The following SMCO4 variants were observed in gnomAD, a reference collection of about 807,000 sequenced individuals.
SMCO4 encodes the protein single-pass membrane and coiled-coil domain-containing protein 4.
SMCO4 carries 4 observed loss-of-function variants against 3.6 expected under a neutral mutation model. That is an observed-to-expected ratio of 1.11 (90% CI 0.54 to 2.53). SMCO4 has a LOEUF of 2.53. SMCO4 is among the 30% of genes most tolerant of loss of function. The pLI, the probability that SMCO4 is intolerant of heterozygous loss-of-function variation, is 0.02. For missense variants in SMCO4, 70 were observed against 80.8 expected (o/e 0.87, Z 0.51); for synonymous variants, 36 against 35.3 (o/e 1.02, Z -0.07).
chr11:93,498,763 T>C (rs7124358), intron 2 of SMCO4, among the ~76,000 whole-genome samples: 47,802 of 152,120 alleles, frequency 0.31, 7,996 homozygotes, highest in African/African-American at 0.37. Context: ...GGAGGCGTGG[T>C]GGGGGTACAA....
At chr11:93,490,459 C>T (rs1450134319) in intron 2 of SMCO4, among the ~76,000 whole-genome samples, 2 of 152,110 alleles carry the variant, frequency 1.3e-5, no homozygotes, top group Admixed American at 1.3e-4. Context: ...AAACTGAAAT[C>T]AGAGTTTTAG....
chr11:93,500,792 A>G (rs1016962100), intron 1 of SMCO4, among the ~76,000 whole-genome samples: 1 of 152,230 alleles, frequency 6.6e-6, no homozygotes, highest in African/African-American at 2.4e-5. Context: ...TCAGCTGGAA[A>G]TTAAGTCATC....
intron 1 of SMCO4, among the ~76,000 whole-genome samples, chr11:93,534,203 A>T (rs140461992): frequency 0.079 from 9,205 of 116,534 alleles, 903 homozygotes; most frequent in African/African-American, 0.22. Flanking sequence ...AAAAAAAAAA[A>T]AAATATATAT....
At chr11:93,551,973 C>G in the SMCO4 span, among the ~76,000 whole-genome samples, 1 of 152,056 alleles carries the variant, frequency 6.6e-6, no homozygotes, top group Non-Finnish European at 1.5e-5. Context: ...TCTGAGACTC[C>G]TCAACTCTAA....
intron 2 of SMCO4, among the ~76,000 whole-genome samples, chr11:93,489,397 G>C (rs1480112056): frequency 6.6e-6 from 1 of 152,222 alleles, no homozygotes; most frequent in Non-Finnish European, 1.5e-5. Context: ...TTAGGAGGCA[G>C]GGAGAGAAGG....
In SMCO4 at chr11:93,493,166, G is replaced by A. The variant is rs569254015; in HGVS notation, c.-81+6110C>T. 4.6e-5 allele frequency among the ~76,000 whole-genome samples: 7 copies of A among 152,310 alleles called. No homozygotes were observed. The South Asian group carries it at 1.5e-3, about 32-fold the overall frequency. ...TTCGGCAATGGCACAGAACAAGAAG[G>A]CTTTTGAGCACTGAAGACAAGGTTT... On this transcript the variant is annotated intron_variant, in intron 2 of 2. Transcript: ENST00000298966.
In SMCO4 at chr11:93,504,538, G is replaced by C. The variant is rs201586198; in HGVS notation, c.-153-5190C>G. Among the ~76,000 whole-genome samples the C allele has an allele frequency of 6.6e-5, 10 of 152,302 alleles. No homozygotes were observed. In the East Asian group the frequency reaches 1.5e-3, roughly 23 times the overall value. ...CCAGTTAATAAACATGTAAATGTTT[G>C]ATTTCTCTGTAGGTGACTTTGCAGA... On this transcript the variant is annotated intron_variant, in intron 1 of 2. Transcript: ENST00000298966.
At chr11:93,512,296 G>A (rs185931349) in intron 1 of SMCO4, among the ~76,000 whole-genome samples, 2 of 152,246 alleles carry the variant, frequency 1.3e-5, no homozygotes, top group East Asian at 1.9e-4. Flanking sequence ...AGCTGAAAAC[G>A]TCCTATTGTC....
At chr11:93,512,141 T>C (rs561210731) in intron 1 of SMCO4, among the ~76,000 whole-genome samples, 3 of 152,356 alleles carry the variant, frequency 2.0e-5, no homozygotes, top group South Asian at 2.1e-4. Context: ...GGTTTCATTA[T>C]ACATGGTTTC....
At chr11:93,506,243 C>T (rs1037118007) in intron 1 of SMCO4, among the ~76,000 whole-genome samples, 2 of 152,210 alleles carry the variant, frequency 1.3e-5, no homozygotes, top group Non-Finnish European at 1.5e-5. Context: ...TTTAGTCTTA[C>T]CCACTGGTTT....
chr11:93,548,064 G>A (rs1011068771), upstream of SMCO4, among the ~76,000 whole-genome samples: 5 of 152,218 alleles, frequency 3.3e-5, no homozygotes, highest in Non-Finnish European at 5.9e-5. Flanking sequence ...AGGAATGTAT[G>A]TTCATAAACC....
chr11:93,536,726 C>T (rs1949228987), intron 1 of SMCO4, among the ~76,000 whole-genome samples: 1 of 152,138 alleles, frequency 6.6e-6, no homozygotes, highest in African/African-American at 2.4e-5. Context: ...TCCTTCTGCA[C>T]TATTTAAATG....
At chr11:93,521,518 A>G (rs562688601) in intron 1 of SMCO4, among the ~76,000 whole-genome samples, 9 of 152,296 alleles carry the variant, frequency 5.9e-5, no homozygotes, top group African/African-American at 1.9e-4. Context: ...AAAGTTACCC[A>G]AAGTCACACA....
intron 1 of SMCO4, among the ~76,000 whole-genome samples, chr11:93,539,912 G>A (rs1218294314): frequency 1.3e-5 from 2 of 148,992 alleles, no homozygotes; most frequent in Admixed American, 6.7e-5. Context: ...CTTCCAGCTA[G>A]AACCCCCTGA....
At chr11:93,498,356 A>G (rs1948799139) in intron 2 of SMCO4, among the ~76,000 whole-genome samples, 1 of 152,238 alleles carries the variant, frequency 6.6e-6, no homozygotes, top group Non-Finnish European at 1.5e-5. Context: ...GTTAAGACAC[A>G]AAGTCACTGA....
At chr11:93,526,756 C>T (rs918567793) in intron 1 of SMCO4, among the ~76,000 whole-genome samples, 8 of 152,088 alleles carry the variant, frequency 5.3e-5, no homozygotes, top group African/African-American at 1.9e-4. Context: ...TTAATCATCA[C>T]CACCATCCTG....
At chr11:93,509,218 A>G (rs1355166001) in intron 1 of SMCO4, among the ~76,000 whole-genome samples, 1 of 152,012 alleles carries the variant, frequency 6.6e-6, no homozygotes, top group Non-Finnish European at 1.5e-5. Context: ...TTGCACCCAG[A>G]AGCTCAAGGC....
intron 1 of SMCO4, among the ~76,000 whole-genome samples, chr11:93,510,874 G>C (rs1046022075): frequency 5.3e-5 from 8 of 152,264 alleles, no homozygotes; most frequent in Admixed American, 4.6e-4. Flanking sequence ...TGAGGTGGGC[G>C]GATCACTTGA....
intron 2 of SMCO4, among the ~76,000 whole-genome samples, chr11:93,491,388 C>G (rs1267253257): frequency 6.6e-6 from 1 of 152,190 alleles, no homozygotes; most frequent in East Asian, 1.9e-4. Context: ...CTTAAAACAT[C>G]AAGTGATCAC....
Sources: gnomAD v4.1 joint callset for allele counts (sites outside exome capture counted in the v4.1 genomes callset) on GRCh38, gnomAD v4.1.1 for gene constraint, MANE v1.5 for transcripts, NCBI Gene and HGNC (gene_info 2026-07-23, HGNC 2026-07-21) for gene names.